Variants in HEMK1 observed in about 807,000 individuals in gnomAD.
The protein encoded by HEMK1 is MTRF1L release factor glutamine methyltransferase.
HEMK1 carries 36 observed loss-of-function variants against 47.9 expected under a neutral mutation model. The observed-to-expected ratio is 0.75, with a 90% CI of 0.58 to 0.99. The LOEUF (loss-of-function observed/expected upper bound fraction) is 0.99, where lower values mean the gene tolerates loss of function less well. Among genes scored for constraint, HEMK1 ranks in the 50% least tolerant of loss-of-function variants. The pLI is 0.00. For missense variants in HEMK1, 383 were observed against 434.5 expected (o/e 0.88, Z 1.05); for synonymous variants, 153 against 165.4 (o/e 0.93, Z 0.57).
chr3:50,573,331 C>A (rs775543930), intron 4 of HEMK1, among the ~76,000 whole-genome samples: 2 of 152,240 alleles, frequency 1.3e-5, no homozygotes, highest in Non-Finnish European at 2.9e-5. Context: ...AGACCCAGAG[C>A]AGGGTGTGGC....
chr3:50,569,268 C>T (rs1243483195), upstream of HEMK1: 2 of 152,378 alleles, frequency 1.3e-5, no homozygotes, highest in Admixed American at 6.5e-5. Context: ...TAAGGAAGAC[C>T]GGCAGGTCCG....
Position 50,591,192 on chromosome 3 carries a change from CTG to C in HEMK1, c.*10776_*10777del, listed in dbSNP as rs1251648733. 2.6e-5 allele frequency: 4 copies of C among 152,234 alleles called. No individual in the cohort carries two copies. The highest frequency in any genetic ancestry group is 9.7e-5 in the African/African-American group (4 of 41,448). The allele number at this position is 152,234 out of a possible 1,614,324, so 9.4% of individuals were successfully genotyped here. ...CTTCCCAAAGTTGGGGAAGGGGTAA[CTG>C]AGGCTGTCATCTGGCCTGTCTCACC... On this transcript the variant is annotated 3_prime_UTR_variant, in exon 11 of 11. Transcript: ENST00000232854.
chr3:50,594,499 C>G lies in HEMK1; in HGVS notation c.*14082C>G, dbSNP rs979298455. The G allele has an allele frequency of 2.6e-5, 4 of 152,324 alleles. No homozygotes were observed. The highest frequency in any genetic ancestry group is 9.6e-5 in the African/African-American group (4 of 41,470). The allele number at this position is 152,324 out of a possible 1,614,324, so 9.4% of individuals were successfully genotyped here. A position where few individuals can be genotyped will look rare whatever the true frequency, so the allele number is the denominator to read the frequency against. ...CTGTGCCAGGCACAAGGAATGGGCA[C>G]TATTCAGGCAGGCCCCCATCACAGT... On this transcript the variant is annotated 3_prime_UTR_variant, in exon 11 of 11. Transcript: ENST00000232854.
chr3:50,571,909 G>A (rs577255903), intron 3 of HEMK1, 108 bp downstream of exon 3: 4 of 1,344,234 alleles, frequency 3.0e-6, no homozygotes, highest in Admixed American at 3.5e-5. Flanking sequence ...GGACTAGGGA[G>A]GTGTTGGGGT....
rs2031780214 is a variant in HEMK1, at chr3:50,592,581, T to A, written c.*12164T>A. ...CATTCCCACCTCCTGTTTACTTCCC[T>A]ACAAAAGCCAAAAATTGACCCCTAG... On this transcript the variant is annotated 3_prime_UTR_variant, in exon 11 of 11. Transcript: ENST00000232854. 2 of 152,182 alleles carry A rather than the reference T, an allele frequency of 1.3e-5. No individual in the cohort carries two copies. The highest frequency in any genetic ancestry group is 4.1e-4 in the South Asian group (2 of 4,830). 9.4% of individuals were successfully genotyped at this position (152,182 alleles called of 1,614,324 possible). A position where few individuals can be genotyped will look rare whatever the true frequency, so the allele number is the denominator to read the frequency against.
At chr3:50,569,283 C>T (rs567106252), upstream of HEMK1, 61 of 152,522 alleles carry the variant, frequency 4.0e-4, no homozygotes, top group African/African-American at 1.4e-3. Flanking sequence ...GGTCCGGGCC[C>T]CCAAGGGTCA....
At chr3:50,576,120 C>T (rs890601013) in intron 4 of HEMK1, among the ~76,000 whole-genome samples, 1 of 152,214 alleles carries the variant, frequency 6.6e-6, no homozygotes, top group African/African-American at 2.4e-5. Context: ...AGGACCATGT[C>T]CCCCCATGGC....
chr3:50,579,740 T>C, intron 8 of HEMK1, 104 bp from the exon 9 acceptor site: 1 of 809,786 alleles, frequency 1.2e-6, no homozygotes, highest in Non-Finnish European at 2.0e-6. Context: ...CAGCCCAGAG[T>C]GTAAGTTCCA....
chr3:50,578,056 G>A (rs1015299316), intron 7 of HEMK1, among the ~76,000 whole-genome samples, 181 bp downstream of exon 7: 3 of 152,154 alleles, frequency 2.0e-5, no homozygotes, highest in African/African-American at 7.2e-5. Flanking sequence ...CCTTGGCTGA[G>A]GACAGACAAG....
rs753265687 is a variant in HEMK1, at chr3:50,571,168, C to T, written c.64C>T (p.Arg22Trp). The change falls in exon 2 of 11, where the codon CGG becomes TGG. Residue 22 changes from arginine (R) to tryptophan (W), a missense_variant. Physicochemically the swap from Arg to Trp is moderately radical, Grantham distance 101 (BLOSUM62 -3). Coordinates refer to ENST00000232854, the MANE Select transcript of HEMK1 (RefSeq NM_016173.5). The part of the protein sequence containing the change: ...LSGPGRRGST[R>W]GWAFSSWQPQ... Reference sequence around the variant, plus strand: ...TGGCCCAGGGAGGAGGGGAAGTACCCGGGGCTGGGCCTTCAGCTCATGGCA... The same window carrying T: ...TGGCCCAGGGAGGAGGGGAAGTACCTGGGGCTGGGCCTTCAGCTCATGGCA... The T allele has an allele frequency of 9.3e-6, 15 of 1,613,286 alleles. No individual in the cohort carries two copies. Among genetic ancestry groups the T allele is most frequent in the East Asian group, 2.2e-5 (1 of 44,858 alleles).
chr3:50,588,654 A>G lies in HEMK1; in HGVS notation c.*8237A>G, dbSNP rs2031544244. The G allele has an allele frequency of 6.6e-6, 1 of 152,280 alleles. No homozygotes were observed. The allele number at this position is 152,280 out of a possible 1,614,324, so 9.4% of individuals were successfully genotyped here. A position where few individuals can be genotyped will look rare whatever the true frequency, so the allele number is the denominator to read the frequency against. On this transcript the variant is annotated 3_prime_UTR_variant, in exon 11 of 11. Transcript: ENST00000232854. ...AGGGCAGCGAAAGTGGCTGCCACTG[A>G]ACCCAGACTCTGATGTACTCCGGAT...
chr3:50,580,282 C>T lies in HEMK1; in HGVS notation c.980+53C>T, dbSNP rs1024070559. On this transcript the variant is annotated intron_variant, in intron 10 of 10. Transcript: ENST00000232854. ...TAGCATGCTGGTCTTTCCACTGGGG[C>T]CATCCTCAGCCCTGGCTGTCAGGAG... The T allele has an allele frequency of 4.4e-6, 7 of 1,601,890 alleles. No individual in the cohort carries two copies. In the African/African-American group the frequency reaches 6.7e-5, roughly 15 times the overall value.
chr3:50,577,066 G>A lies in HEMK1; in HGVS notation c.429G>A (p.Trp143Ter). ...CTGCTTCACAGGAACTGGTTGAGTG[G>A]GTGCTGGAAGAGGTGGCCCAGAGGT... The part of the protein sequence containing the change: ...PRPETEELVE[W>*]VLEEVAQRSH... Residue 143 changes from tryptophan to a stop codon, truncating the protein, a stop_gained, in exon 5 of 11, where the codon TGG becomes TGA. Transcript: ENST00000232854. LOFTEE classifies it high-confidence loss of function. 1 of 1,613,946 alleles carries A rather than the reference G, an allele frequency of 6.2e-7. No homozygotes were observed. The highest frequency in any genetic ancestry group is 8.5e-7 in the Non-Finnish European group (1 of 1,179,942).
intron 4 of HEMK1, among the ~76,000 whole-genome samples, chr3:50,572,840 G>T (rs897636327): frequency 6.6e-6 from 1 of 152,200 alleles, no homozygotes. Context: ...GCTTTATATG[G>T]CCCTTCTTGG....
rs1258779969 is a variant in HEMK1 at position 50,585,782 on chromosome 3, A to G, written c.*5365A>G. 1.3e-5 allele frequency: 2 copies of G among 152,238 alleles called. No individual in the cohort carries two copies. The highest frequency in any genetic ancestry group is 3.1e-3 in the Middle Eastern group (1 of 318). 9.4% of individuals were successfully genotyped at this position (152,238 alleles called of 1,614,324 possible). A position where few individuals can be genotyped will look rare whatever the true frequency, so the allele number is the denominator to read the frequency against. The stretch of plus-strand genomic sequence containing the variant: ...GAAGGGGTGGATCATGGCAAGACTT[A>G]TATTCAATCCCTGATCTTTTTTCCC... On this transcript the variant is annotated 3_prime_UTR_variant, in exon 11 of 11. Transcript: ENST00000232854.
At chr3:50,573,473 C>T (rs971000575) in intron 4 of HEMK1, among the ~76,000 whole-genome samples, 1 of 152,226 alleles carries the variant, frequency 6.6e-6, no homozygotes, top group African/African-American at 2.4e-5. Context: ...TCAGAGCTGA[C>T]CTGGCACCAG....
chr3:50,580,258 A>G (rs1399048162), intron 10 of HEMK1, 29 bp downstream of exon 10: 4 of 1,608,000 alleles, frequency 2.5e-6, no homozygotes, highest in Non-Finnish European at 3.4e-6. Context: ...TTAGCCCTGT[A>G]GCATGCTGGT....
intron 4 of HEMK1, among the ~76,000 whole-genome samples, chr3:50,572,809 C>T (rs1242735369): frequency 6.6e-6 from 1 of 152,254 alleles, no homozygotes; most frequent in Admixed American, 6.5e-5. Flanking sequence ...CTTGGTAAGG[C>T]ACCCTGGTCC....
rs1299435806 is a variant in HEMK1, at chr3:50,592,377, T to C, written c.*11960T>C. ...GCTTTCACTAACCAACCCCAGGATT[T>C]CCAATACCGGTGCTTTGCTTAGCTG... On this transcript the variant is annotated 3_prime_UTR_variant, in exon 11 of 11. Transcript: ENST00000232854. 2 of 152,168 alleles carry C rather than the reference T, an allele frequency of 1.3e-5. No homozygotes were observed. Among genetic ancestry groups the C allele is most frequent in the Admixed American group, 6.5e-5 (1 of 15,278 alleles). The allele number at this position is 152,168 out of a possible 1,614,324, so 9.4% of individuals were successfully genotyped here.
Sources: gnomAD v4.1 joint callset for allele counts (sites outside exome capture counted in the v4.1 genomes callset) on GRCh38, gnomAD v4.1.1 for gene constraint, MANE v1.5 for transcripts, NCBI Gene and HGNC (gene_info 2026-07-23, HGNC 2026-07-21) for gene names.